The following RRP9 variants were observed in gnomAD, a reference collection of about 807,000 sequenced individuals.
The protein encoded by RRP9 is ribosomal RNA processing 9, U3 small nucleolar RNA binding protein, also known as U3 small nucleolar RNA-interacting protein 2.
RRP9 carries 35 observed loss-of-function variants against 65.5 expected under a neutral mutation model. That is an observed-to-expected ratio of 0.53 (90% confidence interval 0.41 to 0.71). RRP9 has a LOEUF of 0.71. Ranked by LOEUF, RRP9 falls within the 30% of genes least tolerant of loss-of-function variation. The pLI, the probability that RRP9 is intolerant of heterozygous loss-of-function variation, is 0.00. For missense variants in RRP9, 533 were observed against 633.6 expected, an observed-to-expected ratio of 0.84 and a Z score of 1.70; for synonymous variants, 254 against 245.0, an observed-to-expected ratio of 1.04 and a Z score of -0.34.
At position 51,941,365 on chromosome 3, in the gene RRP9, G is replaced by A. The variant is rs1315222869; in HGVS notation, c.170+44C>T. 8 of 1,503,754 alleles carry A rather than the reference G, an allele frequency of 5.3e-6. No individual in the cohort carries two copies. The African/African-American group carries it at 6.9e-5, about 13-fold the overall frequency. The allele number at this position is 1,503,754 out of a possible 1,614,324, so 93.2% of individuals were successfully genotyped here. ...ACTCACTCAGTCTTCCGTGCACCATGGGACTCAGTTTTCCCTCCCACTATG... is the reference window on the plus strand; with the variant it reads ...ACTCACTCAGTCTTCCGTGCACCATAGGACTCAGTTTTCCCTCCCACTATG... On this transcript the variant is annotated intron_variant, in intron 2 of 14. Coordinates refer to ENST00000232888, the MANE Select transcript of RRP9 (RefSeq NM_004704.5).
rs769405224 is a variant in RRP9, at chr3:51,941,464, A to C, written c.115T>G (p.Ser39Ala). 3.7e-6 allele frequency: 6 copies of C among 1,613,776 alleles called. No homozygotes were observed. The highest frequency in any genetic ancestry group is 3.3e-5 in the South Asian group (3 of 91,062). ...TCATTCATCTTGCCGCCACCCTTGG[A>C]TTTGCCCCTGTCCCCCGCAGAGTCG... ...KADSAGDRGK[S>A]KGGGKMNEEI... is the part of the protein sequence containing the mutation. The change falls in exon 2 of 15, where the codon TCC becomes GCC. Residue 39 changes from serine to alanine, a missense_variant. Around this residue, in one of 3 missense-constraint regions of RRP9, gnomAD observed 77 missense variants for 60.5 expected, o/e 1.27. Transcript: ENST00000232888.
In RRP9 at chr3:51,934,369, G is replaced by T; in HGVS notation, c.1260+103C>A. 8.1e-7 allele frequency: 1 copy of T among 1,239,658 alleles called. No homozygotes were observed. The highest frequency in any genetic ancestry group is 1.1e-6 in the Non-Finnish European group (1 of 887,754). 76.8% of individuals were successfully genotyped at this position (1,239,658 alleles called of 1,614,324 possible). On this transcript the variant is annotated intron_variant, in intron 13 of 14. Coordinates refer to ENST00000232888, the MANE Select transcript of RRP9 (RefSeq NM_004704.5). The surrounding 1 kb of genome is among the most constrained non-coding windows in gnomAD (Gnocchi z 4.1). The stretch of plus-strand genomic sequence containing the variant: ...CTGTGCTAGGAGCTGGCCCTGCCCT[G>T]AGAAGGTTCCCTTCTGGCAGGAAGA...
chr3:51,937,506 T>C lies in RRP9; in HGVS notation c.390+39A>G, dbSNP rs777008897. On this transcript the variant is annotated intron_variant, in intron 5 of 14. Coordinates refer to ENST00000232888, the MANE Select transcript of RRP9 (RefSeq NM_004704.5). This position sits in a 1 kb window ranked among gnomAD's most constrained non-coding sequence, Gnocchi z 5.0. ...ACCATGTTCCAAGTGGGGCCCCCAA[T>C]TCCCTCCAACCTTATACCAAAATAC... is the stretch of plus-strand genomic sequence containing the variant. 1 of 1,613,548 alleles carries C rather than the reference T, an allele frequency of 6.2e-7. No individual in the cohort carries two copies. Among genetic ancestry groups the C allele is most frequent in the Non-Finnish European group, 8.5e-7 (1 of 1,179,568 alleles).
chr3:51,933,531 G>T lies in RRP9; in HGVS notation c.1403C>A (p.Pro468His). The change falls in exon 15 of 15, where the codon CCT (proline) becomes CAT (histidine). Residue 468 changes from proline to histidine, a missense_variant. Physicochemically the swap from Pro to His is moderately conservative, Grantham distance 77 (BLOSUM62 -2). Transcript: ENST00000232888. ...SVCIIPLRRV[P>H]VPPAAGS ...TCAGGAACCAGCAGCTGGGGGTACAGGGACCCTGCGGAGTGGGATGATGCA... is the reference window on the plus strand; with the variant it reads ...TCAGGAACCAGCAGCTGGGGGTACATGGACCCTGCGGAGTGGGATGATGCA... The T allele has an allele frequency of 6.2e-7, 1 of 1,614,064 alleles. No homozygotes were observed. Among genetic ancestry groups the T allele is most frequent in the Non-Finnish European group, 8.5e-7 (1 of 1,179,972 alleles).
chr3:51,935,843 AGATGCAGAC>A, intron 8 of RRP9, 151 bp from the exon 9 acceptor site: 2 of 635,564 alleles, frequency 3.1e-6, no homozygotes, highest in East Asian at 5.5e-5. Context: ...GCCCCTGAGC[AGATGCAGAC>A]GTCTTTTTTA....
In RRP9 at chr3:51,933,501, G is replaced by A. The variant is rs768567983; in HGVS notation, c.*5C>T. On this transcript the variant is annotated 3_prime_UTR_variant, in exon 15 of 15. Transcript: ENST00000232888. ...GGAAGGACTTAAATAAGGAGGATAA[G>A]AGTGTCAGGAACCAGCAGCTGGGGG... is the stretch of plus-strand genomic sequence containing the variant. 9.9e-6 allele frequency: 16 copies of A among 1,610,672 alleles called. No individual in the cohort carries two copies. The East Asian group carries it at 3.3e-4, about 34-fold the overall frequency.
chr3:51,934,861 G>A lies in RRP9; in HGVS notation c.1035-85C>T. ...TAACACAAAGGATTAATGCTTGAGGGGATGGATACCCCATTTCCCATGATG... is the reference window on the plus strand; with the variant it reads ...TAACACAAAGGATTAATGCTTGAGGAGATGGATACCCCATTTCCCATGATG... On this transcript the variant is annotated intron_variant, in intron 11 of 14. Coordinates refer to ENST00000232888, the MANE Select transcript of RRP9 (RefSeq NM_004704.5). This position sits in a 1 kb window ranked among gnomAD's most constrained non-coding sequence, Gnocchi z 4.1. The A allele has an allele frequency of 1.4e-6, 2 of 1,406,306 alleles. No individual in the cohort carries two copies. Among genetic ancestry groups the A allele is most frequent in the Non-Finnish European group, 9.8e-7 (1 of 1,025,218 alleles). 87.1% of individuals were successfully genotyped at this position (1,406,306 alleles called of 1,614,324 possible).
At chr3:51,940,526 T>C (rs1468217696) in intron 2 of RRP9, among the ~76,000 whole-genome samples, 2 of 152,078 alleles carry the variant, frequency 1.3e-5, no homozygotes, top group Non-Finnish European at 2.9e-5. Context: ...TTTTTGTGTG[T>C]GGTTTTTTTT....
chr3:51,937,872 G>A lies in RRP9; in HGVS notation c.281-136C>T, dbSNP rs1699477594. On this transcript the variant is annotated intron_variant, in intron 3 of 14. Coordinates refer to ENST00000232888, the MANE Select transcript of RRP9 (RefSeq NM_004704.5). The surrounding 1 kb of genome is among the most constrained non-coding windows in gnomAD (Gnocchi z 5.0). ...CCTCAGCAGAGGGGAGGGCAAGCTGGAGGGTTTCCTCCTGCCTTTACTTAT... is the reference window on the plus strand; with the variant it reads ...CCTCAGCAGAGGGGAGGGCAAGCTGAAGGGTTTCCTCCTGCCTTTACTTAT... 4.4e-6 allele frequency: 5 copies of A among 1,139,932 alleles called. No homozygotes were observed. The highest frequency in any genetic ancestry group is 5.0e-6 in the Non-Finnish European group (4 of 794,130). 70.6% of individuals were successfully genotyped at this position (1,139,932 alleles called of 1,614,324 possible).
chr3:51,937,179 G>A lies in RRP9; in HGVS notation c.517+13C>T, dbSNP rs764337781. The A allele has an allele frequency of 7.4e-6, 12 of 1,612,232 alleles. No individual in the cohort carries two copies. The highest frequency in any genetic ancestry group is 5.5e-5 in the South Asian group (5 of 91,004). Reference sequence around the variant, plus strand: ...GCCATGGGGGCTCCAGCCCCACCCAGGCACTCACTCACACTTAATGATGCT... The same window carrying A: ...GCCATGGGGGCTCCAGCCCCACCCAAGCACTCACTCACACTTAATGATGCT... On this transcript the variant is annotated intron_variant, in intron 6 of 14. Coordinates refer to ENST00000232888, the MANE Select transcript of RRP9 (RefSeq NM_004704.5). This position sits in a 1 kb window ranked among gnomAD's most constrained non-coding sequence, Gnocchi z 5.0.
chr3:51,937,328 C>A lies in RRP9; in HGVS notation c.391-10G>T, dbSNP rs780010667. The A allele has an allele frequency of 1.2e-6, 2 of 1,614,014 alleles. No homozygotes were observed. The highest frequency in any genetic ancestry group is 3.3e-5 in the Admixed American group (2 of 60,020). ...AGGCTGGGGCCTGGATCTGGGCAGA[C>A]AGGGGCCAGGTCACTGTGGCTAGTG... On this transcript the variant is annotated splice_polypyrimidine_tract_variant and intron_variant, in intron 5 of 14. Transcript: ENST00000232888. This position sits in a 1 kb window ranked among gnomAD's most constrained non-coding sequence, Gnocchi z 5.0.
rs745805810 is a variant in RRP9, at chr3:51,941,900, A to T, written c.-33T>A. The T allele has an allele frequency of 6.5e-7, 1 of 1,538,948 alleles. No individual in the cohort carries two copies. The highest frequency in any genetic ancestry group is 1.8e-5 in the Admixed American group (1 of 54,216). ...ACCAGGCGTGTAGCAGCGGCCGCAG[A>T]ACTCACGTGGCAGCTGAACCCTCCC... On this transcript the variant is annotated 5_prime_UTR_variant, in exon 1 of 15. Coordinates refer to ENST00000232888, the MANE Select transcript of RRP9 (RefSeq NM_004704.5).
chr3:51,935,223 C>T lies in RRP9; in HGVS notation c.1008G>A (p.Glu336=). 6.2e-7 allele frequency: 1 copy of T among 1,614,186 alleles called. No individual in the cohort carries two copies. The highest frequency in any genetic ancestry group is 8.5e-7 in the Non-Finnish European group (1 of 1,180,020). The part of the protein sequence containing the change: ...SIDCIHLINE[E]HMVSGADDGS... ...CATCGTCCGCGCCGGACACCATGTGCTCCTCATTGATTAGGTGGATGCAGT... is the reference window on the plus strand; with the variant it reads ...CATCGTCCGCGCCGGACACCATGTGTTCCTCATTGATTAGGTGGATGCAGT... The change falls in exon 11 of 15, where the codon GAG becomes GAA. Residue 336 remains glutamate (E), a synonymous_variant. Coordinates refer to ENST00000232888, the MANE Select transcript of RRP9 (RefSeq NM_004704.5).
chr3:51,933,441 A>T lies in RRP9; in HGVS notation c.*65T>A, dbSNP rs1318066217. On this transcript the variant is annotated 3_prime_UTR_variant, in exon 15 of 15. Transcript: ENST00000232888. ...TACAAGAAACAAGGCCCAAAAGAGG[A>T]GGCTTTTAATACAAAGAGGGTGGGG... 1 of 1,243,818 alleles carries T rather than the reference A, an allele frequency of 8.0e-7. No homozygotes were observed. The highest frequency in any genetic ancestry group is 1.5e-5 in the African/African-American group (1 of 65,460). 77.0% of individuals were successfully genotyped at this position (1,243,818 alleles called of 1,614,324 possible). A position where few individuals can be genotyped will look rare whatever the true frequency, so the allele number is the denominator to read the frequency against.
intron 2 of RRP9, among the ~76,000 whole-genome samples, chr3:51,938,635 A>G (rs1699484068): frequency 6.6e-6 from 1 of 152,216 alleles, no homozygotes; most frequent in Non-Finnish European, 1.5e-5. Flanking sequence ...CCAGTCAAAC[A>G]ATCAACGACG....
intron 2 of RRP9, among the ~76,000 whole-genome samples, chr3:51,939,743 C>T (rs1279495006): frequency 6.6e-6 from 1 of 152,190 alleles, no homozygotes; most frequent in Non-Finnish European, 1.5e-5. Context: ...ATGACAGTTG[C>T]GGCTTCTAAG....
Position 51,941,887 on chromosome 3 carries a change from G to A in RRP9, c.-20C>T. 1 of 1,556,376 alleles carries A rather than the reference G, an allele frequency of 6.4e-7. No homozygotes were observed. Among genetic ancestry groups the A allele is most frequent in the Non-Finnish European group, 8.6e-7 (1 of 1,157,212 alleles). On this transcript the variant is annotated 5_prime_UTR_variant, in exon 1 of 15. Coordinates refer to ENST00000232888, the MANE Select transcript of RRP9 (RefSeq NM_004704.5). The stretch of plus-strand genomic sequence containing the variant: ...CGACATGCTGCCCACCAGGCGTGTA[G>A]CAGCGGCCGCAGAACTCACGTGGCA...
intron 2 of RRP9, among the ~76,000 whole-genome samples, chr3:51,940,043 G>A (rs1421508145): frequency 6.6e-6 from 1 of 152,182 alleles, no homozygotes; most frequent in Non-Finnish European, 1.5e-5. Flanking sequence ...GATCACTTGA[G>A]GTCAGGAGTT....
chr3:51,937,205 G>A lies in RRP9; in HGVS notation c.504C>T (p.Cys168=). 6.2e-7 allele frequency: 1 copy of A among 1,613,530 alleles called. No homozygotes were observed. The highest frequency in any genetic ancestry group is 1.1e-5 in the South Asian group (1 of 91,062). ...DSAIFSAAKD[C]SIIKWSVESG... ...GCACTCACTCACACTTAATGATGCT[G>A]CAGTCTTTGGCAGCAGAGAAGATGG... The change falls in exon 6 of 15, where the codon TGC becomes TGT. Residue 168 remains cysteine (C), a synonymous_variant. Coordinates refer to ENST00000232888, the MANE Select transcript of RRP9 (RefSeq NM_004704.5). This position sits in a 1 kb window ranked among gnomAD's most constrained non-coding sequence, Gnocchi z 5.0.
Sources: allele counts gnomAD v4.1 joint callset (sites outside exome capture counted in the v4.1 genomes callset), GRCh38; gene constraint gnomAD v4.1.1; regional missense constraint gnomAD v4.1.1; non-coding constraint Gnocchi (gnomAD v3.1); transcripts MANE v1.5; gene names NCBI Gene and HGNC (gene_info 2026-07-23, HGNC 2026-07-21).